TMPRSS9: variants seen among roughly 807,000 people sequenced by gnomAD.
TMPRSS9 encodes the protein transmembrane serine protease 9, also known as transmembrane protease serine 9.
TMPRSS9 carries 113 observed loss-of-function variants against 111.4 expected under a neutral mutation model. The observed-to-expected ratio is 1.01, with a 90% CI of 0.87 to 1.19. The LOEUF (loss-of-function observed/expected upper bound fraction) is 1.19. TMPRSS9 is among the 50% of genes most tolerant of loss of function. The pLI is 0.00. For missense variants in TMPRSS9, 1,803 were observed against 1,513.1 expected, an observed-to-expected ratio of 1.19 and a Z score of -3.18; for synonymous variants, 805 against 659.1, an observed-to-expected ratio of 1.22 and a Z score of -3.39.
intron 1 of TMPRSS9, among the ~76,000 whole-genome samples, chr19:2,378,897 G>A (rs1037078970): frequency 6.6e-6 from 1 of 152,132 alleles, no homozygotes; most frequent in Non-Finnish European, 1.5e-5. Flanking sequence ...CAAAGGGGAA[G>A]CCCCTTATAA....
chr19:2,413,717 C>T lies in TMPRSS9; in HGVS notation c.1272C>T (p.Pro424=), dbSNP rs528296792. Residue 424 remains proline, a synonymous_variant, in exon 10 of 18, where the codon CCC becomes CCT. Coordinates refer to ENST00000648592, the Ensembl canonical transcript of TMPRSS9. The stretch of plus-strand genomic sequence containing the variant: ...TTTCCTAGGGTGACTCAGGAGGACC[C>T]CTGGTCTGCGAGGAGCCCTCTGGCC... 2.5e-6 allele frequency: 4 copies of T among 1,610,884 alleles called. No homozygotes were observed. The South Asian group carries it at 4.4e-5, about 18-fold the overall frequency.
intron 1 of TMPRSS9, among the ~76,000 whole-genome samples, chr19:2,392,328 G>A (rs1447492912): frequency 6.6e-6 from 1 of 152,144 alleles, no homozygotes; most frequent in African/African-American, 2.4e-5. Context: ...AGGAGTTGGA[G>A]CCTGCAGTGA....
upstream of TMPRSS9, among the ~76,000 whole-genome samples, chr19:2,387,214 G>T (rs1970495960): frequency 6.6e-6 from 1 of 151,888 alleles, no homozygotes; most frequent in South Asian, 2.1e-4. Flanking sequence ...GAAAAGTGAG[G>T]CTGGGTGAGG....
rs563331290 is a variant in TMPRSS9 at position 2,416,521 on chromosome 19, G to A, written c.1746-17G>A. 3 of 1,595,136 alleles carry A rather than the reference G, an allele frequency of 1.9e-6. No individual in the cohort carries two copies. Among genetic ancestry groups the A allele is most frequent in the East Asian group, 4.5e-5 (2 of 44,632 alleles). On this transcript the variant is annotated splice_polypyrimidine_tract_variant and intron_variant, in intron 11 of 17. Coordinates refer to ENST00000648592, the Ensembl canonical transcript of TMPRSS9. ...TGTGCTGGAGGGCAGGCATGTCTGA[G>A]GGCCCTGTCTCCATAGCACGAAGGT... is the stretch of plus-strand genomic sequence containing the variant.
At chr19:2,373,924 C>T (rs532938288) in intron 1 of TMPRSS9, among the ~76,000 whole-genome samples, 19 of 152,308 alleles carry the variant, frequency 1.2e-4, no homozygotes, top group Admixed American at 7.2e-4. Context: ...GTCAGCTTTT[C>T]ACTGAAGCAA....
chr19:2,417,961 G>C (rs372917920), intron 12 of TMPRSS9, 41 bp from the exon 14 acceptor site: 1 of 1,609,906 alleles, frequency 6.2e-7, no homozygotes, highest in Admixed American at 1.7e-5. Flanking sequence ...CTGCTCTGAT[G>C]ATCACTGTGC....
Position 2,404,007 on chromosome 19 carries a change from AAAG to A in TMPRSS9, c.670+815_670+817del, listed in dbSNP as rs1442696977. On this transcript the variant is annotated intron_variant, in intron 6 of 17. Coordinates refer to ENST00000648592, the Ensembl canonical transcript of TMPRSS9. ...ACTCTGTCTCAAAAAAAAAAAAAAA[AAAG>A]AAAAAAAAATTAGCCAGCGTGGTGG... Among the ~76,000 whole-genome samples, 24 of 150,736 alleles carry A rather than the reference AAAG, an allele frequency of 1.6e-4. 2 individuals carry two copies. The highest frequency in any genetic ancestry group is 1.2e-3 in the East Asian group (6 of 5,140).
intron 8 of TMPRSS9, among the ~76,000 whole-genome samples, chr19:2,409,429 A>G (rs1971049940): frequency 1.3e-5 from 2 of 152,034 alleles, no homozygotes; most frequent in Non-Finnish European, 1.5e-5. Flanking sequence ...GGTGTGAGCC[A>G]CCTCACCCGG....
At chr19:2,396,250 G>A (rs1443446102) in intron 1 of TMPRSS9, 2 of 319,970 alleles carry the variant, frequency 6.3e-6, no homozygotes, top group Non-Finnish European at 1.1e-5. Context: ...GAAAACACGG[G>A]GGCATCTGGG....
At chr19:2,392,751 A>C (rs1249125876) in intron 1 of TMPRSS9, among the ~76,000 whole-genome samples, 1 of 152,082 alleles carries the variant, frequency 6.6e-6, no homozygotes, top group East Asian at 1.9e-4. Flanking sequence ...GTCTAGCTCA[A>C]GGTTTATAAA....
chr19:2,371,724 A>C (rs913494690), intron 1 of TMPRSS9, among the ~76,000 whole-genome samples: 3 of 146,364 alleles, frequency 2.0e-5, no homozygotes, highest in African/African-American at 8.1e-5. Flanking sequence ...AAAAAAAAAA[A>C]ACAAAACTAG....
intron 1 of TMPRSS9, among the ~76,000 whole-genome samples, chr19:2,381,977 G>A (rs1253414538): frequency 2.6e-5 from 4 of 152,112 alleles, no homozygotes; most frequent in Non-Finnish European, 5.9e-5. Flanking sequence ...CAAATAGCTG[G>A]GATTACAGGC....
rs1250898202 is a variant in TMPRSS9 at position 2,418,330 on chromosome 19, CCT to C, written c.2154+193_2154+194del. ...CTTTCCCTCCCTCCCTCCCTCCCTC[CCT>C]TTCCTTCCCTCCCTTTCCCTCCCTC... On this transcript the variant is annotated intron_variant, in intron 13 of 17. Coordinates refer to ENST00000648592, the Ensembl canonical transcript of TMPRSS9. Among the ~76,000 whole-genome samples the C allele has an allele frequency of 7.7e-4, 33 of 42,778 alleles. 4 individuals carry two copies. The highest frequency in any genetic ancestry group is 6.1e-3 in the African/African-American group (26 of 4,254). 28.1% of individuals were successfully genotyped at this position (42,778 alleles called of 152,430 possible). A position where few individuals can be genotyped will look rare whatever the true frequency, so the allele number is the denominator to read the frequency against.
upstream of TMPRSS9, among the ~76,000 whole-genome samples, chr19:2,386,500 G>A (rs1311415273): frequency 1.3e-4 from 20 of 148,406 alleles, no homozygotes; most frequent in African/African-American, 2.5e-4. Flanking sequence ...GCAAGACTCC[G>A]TCTCAAAAAA....
At chr19:2,406,784 AT>A (rs1482642189) in intron 7 of TMPRSS9, among the ~76,000 whole-genome samples, 2 of 150,362 alleles carry the variant, frequency 1.3e-5, no homozygotes, top group African/African-American at 4.9e-5. Context: ...ATTTTTTAAA[AT>A]ATTCTGTCGT....
intron 7 of TMPRSS9, 27 bp from the exon 9 acceptor site, chr19:2,408,329 C>T: frequency 6.2e-7 from 1 of 1,604,278 alleles, no homozygotes; most frequent in East Asian, 2.2e-5. Flanking sequence ...CCCTCGGTGG[C>T]TTCTGAGCTG....
intron 6 of TMPRSS9, among the ~76,000 whole-genome samples, chr19:2,404,970 C>T (rs963438460): frequency 2.7e-5 from 4 of 150,470 alleles, no homozygotes; most frequent in African/African-American, 4.9e-5. Flanking sequence ...AACTTACAAA[C>T]GTGCCATGCC....
At chr19:2,419,290 G>A (rs770093398) in intron 13 of TMPRSS9, among the ~76,000 whole-genome samples, 25 of 149,502 alleles carry the variant, frequency 1.7e-4, no homozygotes, top group African/African-American at 5.7e-4. Flanking sequence ...TGCAACCTCC[G>A]CCTCCCAGGT....
intron 1 of TMPRSS9, among the ~76,000 whole-genome samples, chr19:2,362,306 CATG>C (rs1355139371): frequency 6.6e-6 from 1 of 151,552 alleles, no homozygotes. Context: ...ATAGTTATGT[CATG>C]ATGTTTGTGT....
Sources: gnomAD v4.1 joint callset for allele counts (sites outside exome capture counted in the v4.1 genomes callset) on GRCh38, gnomAD v4.1.1 for gene constraint, MANE v1.5 for transcripts, NCBI Gene and HGNC (gene_info 2026-07-23, HGNC 2026-07-21) for gene names.